Variants in LRRK2 observed in about 807,000 individuals in gnomAD.
LRRK2 encodes leucine-rich repeat serine/threonine-protein kinase 2.
Under a neutral mutation model 302.6 loss-of-function variants are expected in LRRK2, and 203 were observed. The observed-to-expected ratio is 0.67, with a 90% CI of 0.60 to 0.75. The LOEUF is 0.75. LRRK2 is among the 30% of genes least tolerant of loss of function. The pLI, the probability that LRRK2 is intolerant of heterozygous loss-of-function variation, is 0.00. For missense variants in LRRK2, 2,830 were observed against 2,951.0 expected (o/e 0.96, Z 0.95); for synonymous variants, 1,066 against 1,031.9 (o/e 1.03, Z -0.63).
chr12:40,304,140 A>G lies in LRRK2; in HGVS notation c.3777+6A>G. Reference sequence around the variant, plus strand: ...CTCACAATAAACTGAAAGAGGTAAGACGATTATTGCCACTTAAAAAATATA... The same window carrying G: ...CTCACAATAAACTGAAAGAGGTAAGGCGATTATTGCCACTTAAAAAATATA... On this transcript the variant is annotated splice_donor_region_variant and intron_variant, in intron 27 of 50. Transcript: ENST00000298910. 6.2e-7 allele frequency: 1 copy of G among 1,611,452 alleles called. No individual in the cohort carries two copies. Among genetic ancestry groups the G allele is most frequent in the Non-Finnish European group, 8.5e-7 (1 of 1,178,252 alleles).
At chr12:40,319,474 C>T (rs922886435) in intron 33 of LRRK2, among the ~76,000 whole-genome samples, 4 of 152,022 alleles carry the variant, frequency 2.6e-5, no homozygotes, top group Non-Finnish European at 5.9e-5. Context: ...ACCTACTGAC[C>T]CAGACACTGC....
chr12:40,289,346 C>T (rs545107738), intron 20 of LRRK2, among the ~76,000 whole-genome samples: 2 of 151,564 alleles, frequency 1.3e-5, no homozygotes, highest in African/African-American at 2.4e-5. Context: ...AGTGTAAGTC[C>T]TCTGGTGTTC....
At chr12:40,225,323 C>T in intron 1 of LRRK2, 41 bp downstream of exon 1, 2 of 1,607,322 alleles carry the variant, frequency 1.2e-6, no homozygotes, top group South Asian at 1.1e-5. Flanking sequence ...TTTTTGCAAA[C>T]TTTCTCCCCC....
At chr12:40,247,530 G>A (rs1326710132) in intron 7 of LRRK2, among the ~76,000 whole-genome samples, 1 of 69,756 alleles carries the variant, frequency 1.4e-5, no homozygotes, top group Non-Finnish European at 3.2e-5. Context: ...ACATACAAAT[G>A]TATATAAATA....
intron 44 of LRRK2, 87 bp from the exon 45 acceptor site, chr12:40,354,212 T>C: frequency 9.0e-7 from 1 of 1,115,040 alleles, no homozygotes; most frequent in Non-Finnish European, 1.3e-6. Flanking sequence ...AAGAGTTATG[T>C]TGATAACAGA....
chr12:40,232,996 A>AT (rs1320671071), intron 3 of LRRK2, among the ~76,000 whole-genome samples: 1 of 152,222 alleles, frequency 6.6e-6, no homozygotes, highest in Non-Finnish European at 1.5e-5. Context: ...GCCATCATTA[A>AT]TTAAGAAAAT....
chr12:40,334,376 C>A (rs564895577), intron 39 of LRRK2, among the ~76,000 whole-genome samples: 26 of 152,256 alleles, frequency 1.7e-4, no homozygotes, highest in Admixed American at 1.7e-3. Context: ...GGTGCTGACC[C>A]CTTGTGCAGT....
At chr12:40,360,169 G>A (rs753334015) in intron 47 of LRRK2, among the ~76,000 whole-genome samples, 2 of 152,068 alleles carry the variant, frequency 1.3e-5, no homozygotes, top group African/African-American at 2.4e-5. Flanking sequence ...TCTCTTACCT[G>A]AGGATTGTAA....
chr12:40,321,095 C>T lies in LRRK2; in HGVS notation c.5077C>T (p.Arg1693Ter), dbSNP rs768668969. The part of the protein sequence containing the change: ...PHCENSEIII[R>*]LYEMPYFPMG... ...TTGTGAGAACTCTGAAATTATCATC[C>T]GACTATATGAAATGCCTTATTTTCC... is the stretch of plus-strand genomic sequence containing the variant. Residue 1693 changes from arginine to a stop codon, truncating the protein, a stop_gained, in exon 35 of 51, where the codon CGA becomes TGA. Transcript: ENST00000298910. LOFTEE classifies it high-confidence loss of function. The T allele has an allele frequency of 5.0e-6, 8 of 1,612,660 alleles. No individual in the cohort carries two copies. The highest frequency in any genetic ancestry group is 3.3e-5 in the South Asian group (3 of 91,058).
Position 40,294,829 on chromosome 12 carries a change from A to T in LRRK2, c.2809-16A>T, listed in dbSNP as rs779868956. 2.7e-5 allele frequency: 38 copies of T among 1,420,202 alleles called. No individual in the cohort carries two copies. In the South Asian group the frequency reaches 4.4e-4, roughly 16 times the overall value. 88.0% of individuals were successfully genotyped at this position (1,420,202 alleles called of 1,614,324 possible). A position where few individuals can be genotyped will look rare whatever the true frequency, so the allele number is the denominator to read the frequency against. On this transcript the variant is annotated splice_polypyrimidine_tract_variant and intron_variant, in intron 21 of 50. Transcript: ENST00000298910. ...AATAAATGACAGCAATTTTATTATAAATTATTTTTTAATAGGGGCCCATTT... is the reference window on the plus strand; with the variant it reads ...AATAAATGACAGCAATTTTATTATATATTATTTTTTAATAGGGGCCCATTT...
chr12:40,324,301 A>G (rs1372430369), intron 38 of LRRK2, among the ~76,000 whole-genome samples: 1 of 152,178 alleles, frequency 6.6e-6, no homozygotes, highest in Non-Finnish European at 1.5e-5. Flanking sequence ...TGATATATGT[A>G]TATGTTGTGG....
intron 6 of LRRK2, among the ~76,000 whole-genome samples, chr12:40,243,174 A>G (rs1286167752): frequency 6.6e-6 from 1 of 151,762 alleles, no homozygotes; most frequent in Non-Finnish European, 1.5e-5. Context: ...AAAAAGAAAT[A>G]GACCCTCCAA....
chr12:40,355,319 C>G (rs559127166), intron 45 of LRRK2, among the ~76,000 whole-genome samples: 7 of 152,112 alleles, frequency 4.6e-5, no homozygotes, highest in Non-Finnish European at 8.8e-5. Context: ...CTAAACTCCA[C>G]TGAAACAAAA....
At chr12:40,232,212 G>T in intron 2 of LRRK2, 62 bp from the exon 3 acceptor site, 2 of 1,157,648 alleles carry the variant, frequency 1.7e-6, no homozygotes, top group South Asian at 2.5e-5. Context: ...ATTCATGTTT[G>T]ACTGAGTATG....
chr12:40,297,539 T>A (rs1409159826), intron 23 of LRRK2, among the ~76,000 whole-genome samples: 3 of 152,166 alleles, frequency 2.0e-5, no homozygotes, highest in Non-Finnish European at 4.4e-5. Context: ...CTAAGAGTGG[T>A]TAATAAGCCT....
chr12:40,314,652 G>C (rs1945156615), intron 32 of LRRK2, among the ~76,000 whole-genome samples: 1 of 151,978 alleles, frequency 6.6e-6, no homozygotes, highest in African/African-American at 2.4e-5. Flanking sequence ...ATCAAATATT[G>C]ATCTCAAAGA....
intron 23 of LRRK2, 114 bp from the exon 24 acceptor site, chr12:40,298,129 T>G (rs1274524508): frequency 1.8e-6 from 2 of 1,115,324 alleles, no homozygotes; most frequent in Admixed American, 4.4e-5. Flanking sequence ...TGTTTTCAAC[T>G]TTTTGAAAAT....
intron 20 of LRRK2, among the ~76,000 whole-genome samples, chr12:40,289,635 A>C (rs1370323062): frequency 6.6e-6 from 1 of 150,974 alleles, no homozygotes; most frequent in Non-Finnish European, 1.5e-5. Context: ...TGTGATATAT[A>C]GTTCAATTAG....
intron 49 of LRRK2, chr12:40,366,348 G>A (rs138045990): frequency 1.3e-5 from 2 of 151,874 alleles, no homozygotes; most frequent in African/African-American, 4.8e-5. Context: ...CACTGATTAG[G>A]TCAAAGTTCC....
Sources: allele counts gnomAD v4.1 joint callset (sites outside exome capture counted in the v4.1 genomes callset), GRCh38; gene constraint gnomAD v4.1.1; transcripts MANE v1.5; gene names NCBI Gene and HGNC (gene_info 2026-07-23, HGNC 2026-07-21).